Variants in ARSK observed in about 807,000 individuals in gnomAD.
The protein encoded by ARSK is arylsulfatase family member K, also known as arylsulfatase K.
Under a neutral mutation model 53.2 loss-of-function variants are expected in ARSK, and 37 were observed. That is an observed-to-expected ratio of 0.70 (90% CI 0.54 to 0.92). ARSK has a LOEUF of 0.92. ARSK is among the 40% of genes least tolerant of loss of function. The pLI, the probability that ARSK is intolerant of heterozygous loss-of-function variation, is 0.00. For missense variants in ARSK, 613 were observed against 643.0 expected (o/e 0.95, Z 0.51); for synonymous variants, 208 against 223.2 (o/e 0.93, Z 0.61).
intron 6 of ARSK, among the ~76,000 whole-genome samples, chr5:95,598,673 C>T (rs1749350627): frequency 6.6e-6 from 1 of 152,138 alleles, no homozygotes; most frequent in African/African-American, 2.4e-5. Context: ...TCCCATTTCA[C>T]CTAGAGTAAA....
At chr5:95,585,319 G>T (rs1749094455) in intron 4 of ARSK, among the ~76,000 whole-genome samples, 1 of 152,126 alleles carries the variant, frequency 6.6e-6, no homozygotes, top group Non-Finnish European at 1.5e-5. Context: ...CCACTACATG[G>T]TATCTACTCA....
rs751029839 is a variant in ARSK at position 95,600,920 on chromosome 5, G to C, written c.1170G>C (p.Lys390Asn). Residue 390 changes from lysine to asparagine, a missense_variant, in exon 7 of 8, where the codon AAG becomes AAC. Transcript: ENST00000380009. Reference sequence around the variant, plus strand: ...TGCCGTTATCATCAGAAACATTTAAGAATGAACATAAAGTCAAAAACCTGC... The same window carrying C: ...TGCCGTTATCATCAGAAACATTTAACAATGAACATAAAGTCAAAAACCTGC... ...SLLPLSSETF[K>N]NEHKVKNLHP... The C allele has an allele frequency of 6.2e-7, 1 of 1,614,060 alleles. No individual in the cohort carries two copies. Among genetic ancestry groups the C allele is most frequent in the East Asian group, 2.2e-5 (1 of 44,874 alleles).
intron 6 of ARSK, among the ~76,000 whole-genome samples, chr5:95,599,019 CCTT>C (rs751731292): frequency 2.3e-4 from 35 of 152,270 alleles, no homozygotes; most frequent in Admixed American, 5.9e-4. Flanking sequence ...CCTTACCCTG[CCTT>C]CTTCTTCTTC....
In ARSK at chr5:95,603,525, G is replaced by A; in HGVS notation, c.1610G>A (p.Ter537=). 1 of 1,582,652 alleles carries A rather than the reference G, an allele frequency of 6.3e-7. No individual in the cohort carries two copies. The highest frequency in any genetic ancestry group is 1.2e-5 in the South Asian group (1 of 84,316). ...LKTHMNPRAV[*] ...ACCCATATGAATCCAAGAGCAGTTT[G>A]AACAAAAAGTTTAAAAATAGTGTTC... The change falls in exon 8 of 8, where the codon TGA becomes TAA. Residue 537 remains the stop codon, a stop_retained_variant. Coordinates refer to ENST00000380009, the MANE Select transcript of ARSK (RefSeq NM_198150.3).
intron 7 of ARSK, among the ~76,000 whole-genome samples, chr5:95,601,546 G>T (rs1316583171): frequency 1.3e-5 from 2 of 152,200 alleles, no homozygotes; most frequent in Non-Finnish European, 2.9e-5. Context: ...AGAAGTAGCA[G>T]AACTGAGATT....
At chr5:95,559,887 T>G (rs146980312) in intron 1 of ARSK, among the ~76,000 whole-genome samples, 274 of 152,236 alleles carry the variant, frequency 1.8e-3, no homozygotes, top group African/African-American at 6.3e-3. Flanking sequence ...GGCATTCACA[T>G]TGGAAAGGAA....
chr5:95,586,855 A>G, intron 5 of ARSK, 122 bp downstream of exon 5: 2 of 709,330 alleles, frequency 2.8e-6, no homozygotes, highest in Non-Finnish European at 2.2e-6. Flanking sequence ...GAATCTTGAC[A>G]CTTATCAAAA....
rs773980651 is a variant in ARSK at position 95,555,450 on chromosome 5, G to C, written c.126+46G>C. 7.1e-6 allele frequency: 11 copies of C among 1,557,956 alleles called. No individual in the cohort carries two copies. The South Asian group carries it at 1.1e-4, about 16-fold the overall frequency. On this transcript the variant is annotated intron_variant, in intron 1 of 7. Transcript: ENST00000380009. The surrounding 1 kb of genome is among the most constrained non-coding windows in gnomAD (Gnocchi z 4.0). ...GAGGGGCGCCCCGCTGGGGATCGGC[G>C]ACCTCACCGCCGCCGCCTGTGCTGC...
At chr5:95,577,322 G>A (rs1259309252) in intron 3 of ARSK, among the ~76,000 whole-genome samples, 1 of 152,088 alleles carries the variant, frequency 6.6e-6, no homozygotes, top group Non-Finnish European at 1.5e-5. Context: ...ATATAAAATG[G>A]TGAATGTGAT....
intron 7 of ARSK, 33 bp downstream of exon 7, chr5:95,601,104 T>G (rs1749395981): frequency 6.4e-7 from 1 of 1,556,788 alleles, no homozygotes; most frequent in African/African-American, 1.4e-5. Flanking sequence ...AAGTGTAATA[T>G]TATGTGTAAT....
rs1749460375 is a variant in ARSK at position 95,604,087 on chromosome 5, C to T, written c.*561C>T. 1 of 152,050 alleles carries T rather than the reference C, an allele frequency of 6.6e-6. No homozygotes were observed. Among genetic ancestry groups the T allele is most frequent in the African/African-American group, 2.4e-5 (1 of 41,416 alleles). 9.4% of individuals were successfully genotyped at this position (152,050 alleles called of 1,614,324 possible). ...AGTATCAAAAGAATTGAAGCAAATA[C>T]TGTAACAGTTATGTTCCTTTAAATA... On this transcript the variant is annotated 3_prime_UTR_variant, in exon 8 of 8. Coordinates refer to ENST00000380009, the MANE Select transcript of ARSK (RefSeq NM_198150.3).
At chr5:95,563,854 T>C (rs1748679377) in intron 1 of ARSK, among the ~76,000 whole-genome samples, 1 of 152,084 alleles carries the variant, frequency 6.6e-6, no homozygotes. Context: ...AATTGTTATC[T>C]CCCCATGTTC....
At position 95,583,181 on chromosome 5, in the gene ARSK, CTT is replaced by C; in HGVS notation, c.684_685del (p.Tyr229LeufsTer3). The stretch of plus-strand genomic sequence containing the variant: ...TGGATCTTCAACATTTCACACATCT[CTT>C]TATTGGCTTGAAAAAGTAAGTAACT... ...NFGSSTFHTS[L>X]YWLEKVSHDA... On this transcript the variant is annotated frameshift_variant, in exon 4 of 8. Transcript: ENST00000380009. LOFTEE classifies it high-confidence loss of function. 6.4e-7 allele frequency: 1 copy of C among 1,567,568 alleles called. No homozygotes were observed. Among genetic ancestry groups the C allele is most frequent in the Non-Finnish European group, 8.7e-7 (1 of 1,151,568 alleles).
chr5:95,586,521 C>G (rs1749114833), intron 4 of ARSK, 41 bp from the exon 5 acceptor site: 4 of 1,502,806 alleles, frequency 2.7e-6, no homozygotes, highest in Non-Finnish European at 3.7e-6. Context: ...AGAAATAGCA[C>G]TATTTTGCTA....
At position 95,555,138 on chromosome 5, in the gene ARSK, G is replaced by C; in HGVS notation, c.-141G>C. On this transcript the variant is annotated 5_prime_UTR_variant, in exon 1 of 8. Coordinates refer to ENST00000380009, the MANE Select transcript of ARSK (RefSeq NM_198150.3). This position sits in a 1 kb window ranked among gnomAD's most constrained non-coding sequence, Gnocchi z 4.0. ...CGCCTGATAGGAGTTGTAGTTCTGC[G>C]GGTGAAGCTCGGCGTTACTATCAAG... 1.5e-6 allele frequency: 1 copy of C among 659,488 alleles called. No homozygotes were observed. Among genetic ancestry groups the C allele is most frequent in the Non-Finnish European group, 2.5e-6 (1 of 406,716 alleles). The allele number at this position is 659,488 out of a possible 1,614,324, so 40.9% of individuals were successfully genotyped here. A position where few individuals can be genotyped will look rare whatever the true frequency, so the allele number is the denominator to read the frequency against.
chr5:95,562,788 A>G (rs1287659393), intron 1 of ARSK, among the ~76,000 whole-genome samples: 1 of 152,238 alleles, frequency 6.6e-6, no homozygotes, highest in Non-Finnish European at 1.5e-5. Context: ...TAAATGCCCA[A>G]TTTTAGAGTG....
chr5:95,587,882 G>A (rs1232501979), intron 5 of ARSK, among the ~76,000 whole-genome samples: 3 of 150,688 alleles, frequency 2.0e-5, no homozygotes, highest in African/African-American at 7.3e-5. Flanking sequence ...CTCCAGCCTG[G>A]GTGACAGAGC....
Position 95,582,980 on chromosome 5 carries a change from G to A in ARSK, c.481G>A (p.Val161Ile). Residue 161 changes from valine to isoleucine, a missense_variant, in exon 4 of 8, where the codon GTT becomes ATT. Val to Ile is a conservative substitution (Grantham distance 29). Coordinates refer to ENST00000380009, the MANE Select transcript of ARSK (RefSeq NM_198150.3). Reference sequence around the variant, plus strand: ...ACTCAGACAAGAAGGCAGGCCCATGGTTAATCTTATCCGTAACAGGACTAA... The same window carrying A: ...ACTCAGACAAGAAGGCAGGCCCATGATTAATCTTATCCGTAACAGGACTAA... ...FLLRQEGRPM[V>I]NLIRNRTKVR... 6.2e-7 allele frequency: 1 copy of A among 1,613,618 alleles called. No individual in the cohort carries two copies. Among genetic ancestry groups the A allele is most frequent in the East Asian group, 2.2e-5 (1 of 44,856 alleles).
Position 95,582,992 on chromosome 5 carries a change from C to T in ARSK, c.493C>T (p.Arg165Cys), listed in dbSNP as rs780890433. Residue 165 changes from arginine (R) to cysteine (C), a missense_variant, in exon 4 of 8, where the codon CGT (arginine) becomes TGT (cysteine). Coordinates refer to ENST00000380009, the MANE Select transcript of ARSK (RefSeq NM_198150.3). ...AGGCAGGCCCATGGTTAATCTTATC[C>T]GTAACAGGACTAAAGTCAGAGTGAT... ...QEGRPMVNLI[R>C]NRTKVRVMER... 48 of 1,613,446 alleles carry T rather than the reference C, an allele frequency of 3.0e-5. No homozygotes were observed. The highest frequency in any genetic ancestry group is 4.5e-5 in the East Asian group (2 of 44,868).
Sources: gnomAD v4.1 joint callset for allele counts (sites outside exome capture counted in the v4.1 genomes callset) on GRCh38, gnomAD v4.1.1 for gene constraint, Gnocchi (gnomAD v3.1) non-coding constraint, MANE v1.5 for transcripts, NCBI Gene and HGNC (gene_info 2026-07-23, HGNC 2026-07-21) for gene names.